Variants in HRK observed in about 807,000 individuals in gnomAD.
The protein encoded by HRK is harakiri, BCL2 interacting protein, also known as activator of apoptosis harakiri.
A neutral mutation model predicts 5.9 loss-of-function variants in HRK; 6 were observed. That is an observed-to-expected ratio of 1.02 (90% CI 0.56 to 2.01). The LOEUF is 2.01. Among genes scored for constraint, HRK ranks in the 30% most tolerant of loss-of-function variants. The pLI is 0.00. For missense variants in HRK, 133 were observed against 128.3 expected (o/e 1.04, Z -0.18); for synonymous variants, 85 against 65.1 (o/e 1.31, Z -1.47).
intron 1 of HRK, among the ~76,000 whole-genome samples, chr12:116,865,034 G>A (rs1878489634): frequency 6.6e-6 from 1 of 152,132 alleles, no homozygotes; most frequent in Admixed American, 6.5e-5. Context: ...CGTGTGAGGG[G>A]GGAGGCGGGC....
Position 116,878,964 on chromosome 12 carries a change from CA to C in HRK, c.*56+2011del, listed in dbSNP as rs1879036845. ...CCGCCCTCCCCTGCAGCGCAGGCCC[CA>C]GTTACCCAACTCCTCCCCTGCGCTC... is the stretch of plus-strand genomic sequence containing the variant. On this transcript the variant is annotated intron_variant, in intron 1 of 1. Coordinates refer to ENST00000257572, the MANE Select transcript of HRK (RefSeq NM_003806.4). The surrounding 1 kb of genome is among the most constrained non-coding windows in gnomAD (Gnocchi z 4.4). 1 of 152,482 alleles carries C rather than the reference CA, an allele frequency of 6.6e-6. No individual in the cohort carries two copies. Among genetic ancestry groups the C allele is most frequent in the Non-Finnish European group, 1.5e-5 (1 of 68,284 alleles). 9.4% of individuals were successfully genotyped at this position (152,482 alleles called of 1,614,324 possible).
Position 116,858,820 on chromosome 12 carries a change from TA to T in HRK, c.*2702del, listed in dbSNP as rs1254801829. 1.1e-5 allele frequency: 1 copy of T among 90,884 alleles called. No homozygotes were observed. The allele number at this position is 90,884 out of a possible 1,614,324, so 5.6% of individuals were successfully genotyped here. A position where few individuals can be genotyped will look rare whatever the true frequency, so the allele number is the denominator to read the frequency against. On this transcript the variant is annotated 3_prime_UTR_variant, in exon 2 of 2. Coordinates refer to ENST00000257572, the MANE Select transcript of HRK (RefSeq NM_003806.4). ...GCCAGCACTTTGCACACTGTGGAAA[TA>T]TTTTTTAAAAAACAAGAACCACCCC...
rs1255618453 is a variant in HRK at position 116,880,863 on chromosome 12, AAGG to A, written c.*56+110_*56+112del. 1.1e-5 allele frequency: 4 copies of A among 370,024 alleles called. No homozygotes were observed. In the Admixed American group the frequency reaches 1.4e-4, roughly 13 times the overall value. 22.9% of individuals were successfully genotyped at this position (370,024 alleles called of 1,614,324 possible). A position where few individuals can be genotyped will look rare whatever the true frequency, so the allele number is the denominator to read the frequency against. Reference sequence around the variant, plus strand: ...TTGCAAGAGAAGAGAACGGAGGAAGAAGGAGAAGGGAAAAGAAGAAAGCCAAAC... The same window carrying A: ...TTGCAAGAGAAGAGAACGGAGGAAGAAGAAGGGAAAAGAAGAAAGCCAAAC... On this transcript the variant is annotated intron_variant, in intron 1 of 1. Transcript: ENST00000257572.
intron 1 of HRK, among the ~76,000 whole-genome samples, chr12:116,876,136 C>T (rs531660060): frequency 6.6e-6 from 1 of 152,314 alleles, no homozygotes; most frequent in East Asian, 1.9e-4. Flanking sequence ...GGCTCTTTTC[C>T]ATCCACAGCT....
chr12:116,870,099 C>A (rs999699694), intron 1 of HRK, among the ~76,000 whole-genome samples: 8 of 151,916 alleles, frequency 5.3e-5, no homozygotes, highest in African/African-American at 1.5e-4. Flanking sequence ...CACACACACA[C>A]AAAACAGAAA....
At chr12:116,872,826 G>A (rs1026611393) in intron 1 of HRK, among the ~76,000 whole-genome samples, 2 of 140,150 alleles carry the variant, frequency 1.4e-5, no homozygotes, top group African/African-American at 5.2e-5. Flanking sequence ...GAGACAGGAA[G>A]AAGGAGGGAC....
At chr12:116,867,971 G>C (rs907483949) in intron 1 of HRK, among the ~76,000 whole-genome samples, 1 of 152,174 alleles carries the variant, frequency 6.6e-6, no homozygotes, top group African/African-American at 2.4e-5. Context: ...AGGAGGGGCT[G>C]GGGACACTGT....
intron 1 of HRK, among the ~76,000 whole-genome samples, chr12:116,873,536 A>C (rs1341413565): frequency 6.6e-6 from 1 of 151,488 alleles, no homozygotes; most frequent in Non-Finnish European, 1.5e-5. Flanking sequence ...ACCATACCTC[A>C]CTAATTTCTT....
At chr12:116,872,854 AGAGG>A (rs911498140) in intron 1 of HRK, among the ~76,000 whole-genome samples, 2 of 134,636 alleles carry the variant, frequency 1.5e-5, no homozygotes, top group Non-Finnish European at 3.2e-5. Context: ...AGGAAGGAAG[AGAGG>A]GAGGGAGGGA....
chr12:116,870,324 A>T (rs1878701560), intron 1 of HRK, among the ~76,000 whole-genome samples: 1 of 152,188 alleles, frequency 6.6e-6, no homozygotes, highest in Admixed American at 6.5e-5. Flanking sequence ...CAGGCAGAGA[A>T]GCTTTCCAGA....
intron 1 of HRK, among the ~76,000 whole-genome samples, chr12:116,866,390 C>CAAAAA (rs965013066): frequency 5.5e-5 from 3 of 54,816 alleles, no homozygotes; most frequent in Non-Finnish European, 7.5e-5. Flanking sequence ...GACCCTGTCT[C>CAAAAA]AAAAAAAAAA....
In HRK at chr12:116,880,985, G is replaced by C; in HGVS notation, c.*47C>G. The C allele has an allele frequency of 3.2e-6, 4 of 1,253,494 alleles. No individual in the cohort carries two copies. Among genetic ancestry groups the C allele is most frequent in the Non-Finnish European group, 4.0e-6 (4 of 989,380 alleles). 77.6% of individuals were successfully genotyped at this position (1,253,494 alleles called of 1,614,324 possible). A position where few individuals can be genotyped will look rare whatever the true frequency, so the allele number is the denominator to read the frequency against. ...TCGCTCGCTCGCGTACCTGTTGCTCGCTCCGGCTGGGTCTCGGCTCCGGCC... is the reference window on the plus strand; with the variant it reads ...TCGCTCGCTCGCGTACCTGTTGCTCCCTCCGGCTGGGTCTCGGCTCCGGCC... On this transcript the variant is annotated 3_prime_UTR_variant, in exon 1 of 2. Transcript: ENST00000257572.
intron 1 of HRK, chr12:116,867,801 G>A (rs1365297914): frequency 6.6e-6 from 1 of 152,146 alleles, no homozygotes; most frequent in East Asian, 1.9e-4. Flanking sequence ...CCTATTTTTA[G>A]TGAGGAAAAA....
intron 1 of HRK, among the ~76,000 whole-genome samples, chr12:116,865,508 C>A (rs969267269): frequency 7.2e-5 from 11 of 152,266 alleles, no homozygotes; most frequent in Non-Finnish European, 1.2e-4. Context: ...TCCTGGGCAA[C>A]AGAGCCAGAC....
At chr12:116,870,081 AAC>A (rs113070500) in intron 1 of HRK, among the ~76,000 whole-genome samples, 4 of 150,880 alleles carry the variant, frequency 2.7e-5, no homozygotes, top group East Asian at 2.0e-4. Flanking sequence ...CTCCATCTAA[AAC>A]ACACACACAC....
Position 116,879,851 on chromosome 12 carries a change from G to T in HRK, c.*56+1125C>A, listed in dbSNP as rs981960168. Among the ~76,000 whole-genome samples, 1 of 152,228 alleles carries T rather than the reference G, an allele frequency of 6.6e-6. No homozygotes were observed. The highest frequency in any genetic ancestry group is 1.5e-5 in the Non-Finnish European group (1 of 68,036). Reference sequence around the variant, plus strand: ...CTGCGGCGCGCGGCGGGGCTCGGGGGCGGGGACCTAAGGGCGGCTGGCTAT... The same window carrying T: ...CTGCGGCGCGCGGCGGGGCTCGGGGTCGGGGACCTAAGGGCGGCTGGCTAT... On this transcript the variant is annotated intron_variant, in intron 1 of 1. Transcript: ENST00000257572. This position sits in a 1 kb window ranked among gnomAD's most constrained non-coding sequence, Gnocchi z 5.6.
At position 116,879,932 on chromosome 12, in the gene HRK, G is replaced by C. The variant is rs1252553269; in HGVS notation, c.*56+1044C>G. ...GACCCATCTATGGTGGGCTCAGCCT[G>C]ATTCTCTCTCCCTCATTCTCTGCAG... On this transcript the variant is annotated intron_variant, in intron 1 of 1. Coordinates refer to ENST00000257572, the MANE Select transcript of HRK (RefSeq NM_003806.4). This position sits in a 1 kb window ranked among gnomAD's most constrained non-coding sequence, Gnocchi z 5.6. Among the ~76,000 whole-genome samples, 1 of 152,202 alleles carries C rather than the reference G, an allele frequency of 6.6e-6. No individual in the cohort carries two copies. Among genetic ancestry groups the C allele is most frequent in the Admixed American group, 6.5e-5 (1 of 15,276 alleles).
intron 1 of HRK, among the ~76,000 whole-genome samples, chr12:116,875,157 T>G (rs993978950): frequency 6.6e-6 from 1 of 152,208 alleles, no homozygotes; most frequent in African/African-American, 2.4e-5. Context: ...TAAAGATGAT[T>G]TAAAGCCTAC....
At chr12:116,880,867 A>T (rs925205391) in intron 1 of HRK, 109 bp downstream of exon 1, 2 of 374,174 alleles carry the variant, frequency 5.3e-6, no homozygotes, top group African/African-American at 4.3e-5. Flanking sequence ...AGGAAGAAGG[A>T]GAAGGGAAAA....
Sources: gnomAD v4.1 joint callset for allele counts (sites outside exome capture counted in the v4.1 genomes callset) on GRCh38, gnomAD v4.1.1 for gene constraint, Gnocchi (gnomAD v3.1) non-coding constraint, MANE v1.5 for transcripts, NCBI Gene and HGNC (gene_info 2026-07-23, HGNC 2026-07-21) for gene names.